Variants in CFAP96 observed in about 807,000 individuals in gnomAD.
CFAP96 encodes the protein cilia and flagella associated protein 96.
At chr4:185,424,198 C>G in the CFAP96 span, among the ~76,000 whole-genome samples, 1 of 151,376 alleles carries the variant, frequency 6.6e-6, no homozygotes, top group Admixed American at 6.6e-5. Flanking sequence ...TCCAGCTACT[C>G]GGGAGGTTAA....
the CFAP96 span, chr4:185,431,925 A>G: frequency 2.3e-6 from 3 of 1,310,836 alleles, no homozygotes; most frequent in South Asian, 2.8e-5. Context: ...CTTATTTTTC[A>G]TGTCCTTTAA....
the CFAP96 span, chr4:185,436,350 A>C: frequency 5.4e-5 from 84 of 1,544,896 alleles, 1 homozygote; most frequent in South Asian, 8.5e-4. Flanking sequence ...CAGCAAAACT[A>C]AAGTATAAGG....
At chr4:185,444,039 C>T in the CFAP96 span, among the ~76,000 whole-genome samples, 961 of 136,798 alleles carry the variant, frequency 7.0e-3, 8 homozygotes, top group African/African-American at 0.024. Flanking sequence ...CTGCAAGCTC[C>T]GCTTCCCGGG....
At chr4:185,430,600 A>G in the CFAP96 span, among the ~76,000 whole-genome samples, 6 of 152,158 alleles carry the variant, frequency 3.9e-5, no homozygotes, top group Non-Finnish European at 7.4e-5. Flanking sequence ...TGAATGTATT[A>G]CCTTTTCAAA....
the CFAP96 span, chr4:185,436,015 T>C: frequency 6.8e-7 from 1 of 1,481,454 alleles, no homozygotes; most frequent in Non-Finnish European, 9.0e-7. Flanking sequence ...TTAACCTCCT[T>C]CTTTTAAAAC....
the CFAP96 span, among the ~76,000 whole-genome samples, chr4:185,448,351 G>A: frequency 1.3e-5 from 2 of 152,168 alleles, no homozygotes; most frequent in Admixed American, 6.5e-5. Flanking sequence ...CATTTTGAAT[G>A]GTAGCTTAAC....
At chr4:185,409,973 C>T in the CFAP96 span, among the ~76,000 whole-genome samples, 2 of 151,792 alleles carry the variant, frequency 1.3e-5, no homozygotes, top group African/African-American at 4.8e-5. Flanking sequence ...TGATGTCAGC[C>T]CAGTGATACT....
the CFAP96 span, chr4:185,440,562 G>C: frequency 1.3e-6 from 2 of 1,524,170 alleles, no homozygotes; most frequent in Non-Finnish European, 1.8e-6. Flanking sequence ...GAGCACCATC[G>C]TTTACTTAAA....
At chr4:185,414,815 G>A in the CFAP96 span, among the ~76,000 whole-genome samples, 4 of 151,938 alleles carry the variant, frequency 2.6e-5, no homozygotes, top group Non-Finnish European at 4.4e-5. Context: ...TTCACAAATC[G>A]GAAAGTTATA....
the CFAP96 span, among the ~76,000 whole-genome samples, chr4:185,417,115 T>C: frequency 6.6e-6 from 1 of 152,198 alleles, no homozygotes; most frequent in Non-Finnish European, 1.5e-5. Flanking sequence ...TCACCAATAA[T>C]AGCAACAGAC....
At chr4:185,447,281 A>C in the CFAP96 span, among the ~76,000 whole-genome samples, 1 of 151,540 alleles carries the variant, frequency 6.6e-6, no homozygotes, top group African/African-American at 2.4e-5. Flanking sequence ...TGCCGGGTTC[A>C]CGCCATTCTC....
At chr4:185,425,127 G>A in the CFAP96 span, among the ~76,000 whole-genome samples, 1 of 152,172 alleles carries the variant, frequency 6.6e-6, no homozygotes, top group African/African-American at 2.4e-5. Context: ...GCATCTATAG[G>A]ACTTGATTAT....
At chr4:185,440,666 G>A in the CFAP96 span, 1 of 1,509,080 alleles carries the variant, frequency 6.6e-7, no homozygotes. Flanking sequence ...TAAAAAAGAA[G>A]AGAAGAAGAA....
the CFAP96 span, among the ~76,000 whole-genome samples, chr4:185,419,211 A>G: frequency 6.6e-6 from 1 of 152,094 alleles, no homozygotes; most frequent in Non-Finnish European, 1.5e-5. Flanking sequence ...GGCTCACTGC[A>G]AGCTCCGCCT....
the CFAP96 span, among the ~76,000 whole-genome samples, chr4:185,411,885 A>G: frequency 1.3e-5 from 2 of 152,266 alleles, no homozygotes; most frequent in African/African-American, 2.4e-5. Flanking sequence ...GAATGATACC[A>G]TATTTATAAA....
At chr4:185,444,877 AC>A in the CFAP96 span, 3 of 1,296,414 alleles carry the variant, frequency 2.3e-6, no homozygotes, top group Non-Finnish European at 3.2e-6. Context: ...TCCACAGACT[AC>A]AAAAATATGT....
At chr4:185,433,238 A>G in the CFAP96 span, among the ~76,000 whole-genome samples, 8 of 151,650 alleles carry the variant, frequency 5.3e-5, no homozygotes. Context: ...TACTAAAAAT[A>G]CAAAAAATTA....
the CFAP96 span, chr4:185,415,223 T>C: frequency 2.0e-5 from 32 of 1,607,442 alleles, no homozygotes; most frequent in African/African-American, 4.0e-5. Flanking sequence ...AGATTTTTTT[T>C]CCCTGGTAAT....
the CFAP96 span, chr4:185,445,108 A>G: frequency 6.4e-7 from 1 of 1,551,608 alleles, no homozygotes; most frequent in East Asian, 2.4e-5. Context: ...AGTTGAAAGT[A>G]TAATGACTTT....
Sources: allele counts gnomAD v4.1 joint callset (sites outside exome capture counted in the v4.1 genomes callset), GRCh38; gene constraint gnomAD v4.1.1; transcripts MANE v1.5; gene names NCBI Gene and HGNC (gene_info 2026-07-23, HGNC 2026-07-21).